ITSN1: variants seen among roughly 807,000 people sequenced by gnomAD.
The protein encoded by ITSN1 is intersectin-1.
In ITSN1, 58 loss-of-function variants were observed where a neutral mutation model predicts 239.8. The observed-to-expected ratio is 0.24, with a 90% CI of 0.20 to 0.30. ITSN1 has a LOEUF of 0.30. Among genes scored for constraint, ITSN1 ranks in the 10% least tolerant of loss-of-function variants. ITSN1 has a pLI of 1.00. For missense variants in ITSN1, 1,558 were observed against 2,103.3 expected (o/e 0.74, Z 5.07); for synonymous variants, 780 against 770.8 (o/e 1.01, Z -0.20).
intron 19 of ITSN1, among the ~76,000 whole-genome samples, chr21:33,801,768 G>A (rs915306896): frequency 6.6e-6 from 1 of 152,192 alleles, no homozygotes; most frequent in African/African-American, 2.4e-5. Flanking sequence ...GTTATTGACT[G>A]AAACATGCTG....
At chr21:33,754,473 G>A (rs991967710) in intron 7 of ITSN1, among the ~76,000 whole-genome samples, 9 of 152,184 alleles carry the variant, frequency 5.9e-5, no homozygotes, top group Admixed American at 1.3e-4. Flanking sequence ...TCCTGGAAGG[G>A]GAATGCCAGT....
At chr21:33,785,351 T>C (rs561665424) in intron 16 of ITSN1, among the ~76,000 whole-genome samples, 1 of 152,336 alleles carries the variant, frequency 6.6e-6, no homozygotes, top group African/African-American at 2.4e-5. Flanking sequence ...GGTATAAAGG[T>C]AATACAGGGA....
At chr21:33,868,457 GC>G (rs1982097584) in intron 33 of ITSN1, among the ~76,000 whole-genome samples, 1 of 152,228 alleles carries the variant, frequency 6.6e-6, no homozygotes, top group Non-Finnish European at 1.5e-5. Flanking sequence ...CCCGAGCCCT[GC>G]CCCGCGGGAA....
intron 1 of ITSN1, among the ~76,000 whole-genome samples, chr21:33,680,191 G>A (rs1369513226): frequency 3.3e-5 from 5 of 151,904 alleles, no homozygotes; most frequent in Admixed American, 2.0e-4. Flanking sequence ...AAGCAGTGGG[G>A]GTTTTATTCC....
In ITSN1 at chr21:33,868,691, C is replaced by T. The variant is rs939334743; in HGVS notation, c.4173+1360C>T. 3.9e-5 allele frequency among the ~76,000 whole-genome samples: 6 copies of T among 152,352 alleles called. No individual in the cohort carries two copies. The East Asian group carries it at 5.8e-4, about 15-fold the overall frequency. On this transcript the variant is annotated intron_variant, in intron 33 of 39. Transcript: ENST00000381318. The stretch of plus-strand genomic sequence containing the variant: ...CGCACGCAGCCCCGGTTCCTGCTCG[C>T]GCCTCTCCCTCCACACCTCCCTGCA...
intron 8 of ITSN1, among the ~76,000 whole-genome samples, chr21:33,760,413 T>C (rs773704019): frequency 2.1e-4 from 32 of 152,342 alleles, no homozygotes; most frequent in Non-Finnish European, 4.1e-4. Flanking sequence ...TGTGTACATG[T>C]GCACATGTAT....
chr21:33,820,045 A>G (rs2073569145), intron 24 of ITSN1, among the ~76,000 whole-genome samples: 1 of 152,216 alleles, frequency 6.6e-6, no homozygotes, highest in African/African-American at 2.4e-5. Context: ...GAGTTCTCAT[A>G]GTAACATGAA....
At chr21:33,737,332 A>AG (rs1246682667) in intron 5 of ITSN1, among the ~76,000 whole-genome samples, 1 of 152,144 alleles carries the variant, frequency 6.6e-6, no homozygotes, top group Non-Finnish European at 1.5e-5. Context: ...TCTTCCCCCC[A>AG]GACTTCTCCC....
At chr21:33,851,047 G>T (rs369231168) in intron 29 of ITSN1, among the ~76,000 whole-genome samples, 42 of 152,324 alleles carry the variant, frequency 2.8e-4, no homozygotes, top group African/African-American at 9.1e-4. Flanking sequence ...TTCCCTTAAA[G>T]ATGAAAGCCA....
intron 1 of ITSN1, among the ~76,000 whole-genome samples, chr21:33,672,244 A>C (rs1283381219): frequency 6.6e-6 from 1 of 152,088 alleles, no homozygotes; most frequent in East Asian, 1.9e-4. Flanking sequence ...TGATGTCTTG[A>C]TGCTACTTAA....
chr21:33,755,383 G>C lies in ITSN1; in HGVS notation c.710G>C (p.Ser237Thr), dbSNP rs775212836. Residue 237 changes from serine to threonine, a missense_variant, in exon 8 of 40, where the codon AGT (serine) becomes ACT (threonine). By Grantham distance (58) the Ser-to-Thr change is moderately conservative. Coordinates refer to ENST00000381318, the MANE Select transcript of ITSN1 (RefSeq NM_003024.3). Reference sequence around the variant, plus strand: ...TTCAATAGTCATGACAAAACTATGAGTGGACACTTAACAGGTATTTACAAA... The same window carrying C: ...TTCAATAGTCATGACAAAACTATGACTGGACACTTAACAGGTATTTACAAA... ...QLFNSHDKTM[S>T]GHLTGPQART... The C allele has an allele frequency of 1.3e-6, 2 of 1,570,184 alleles. No homozygotes were observed. Among genetic ancestry groups the C allele is most frequent in the Non-Finnish European group, 1.7e-6 (2 of 1,143,718 alleles).
At chr21:33,817,637 T>A in intron 22 of ITSN1, 1 of 1,236,010 alleles carries the variant, frequency 8.1e-7, no homozygotes. Flanking sequence ...AATAAAGTGC[T>A]TTTCCCTAAA....
At chr21:33,773,361 A>G (rs142272705) in intron 12 of ITSN1, among the ~76,000 whole-genome samples, 2 of 152,236 alleles carry the variant, frequency 1.3e-5, no homozygotes, top group African/African-American at 4.8e-5. Flanking sequence ...CATCCTCCCT[A>G]TATTCTATGG....
At chr21:33,716,290 G>A (rs2065135345) in intron 1 of ITSN1, 1 of 152,222 alleles carries the variant, frequency 6.6e-6, no homozygotes, top group South Asian at 2.1e-4. Context: ...CCCGTCTGCT[G>A]GGGAAATGGG....
At chr21:33,885,820 GTATT>G (rs1158674717) in intron 38 of ITSN1, among the ~76,000 whole-genome samples, 2 of 152,118 alleles carry the variant, frequency 1.3e-5, no homozygotes, top group Non-Finnish European at 1.5e-5. Context: ...ACTCAATTAA[GTATT>G]TGTTTTTAGT....
chr21:33,644,481 C>T (rs766763163), intron 1 of ITSN1, among the ~76,000 whole-genome samples: 2 of 151,906 alleles, frequency 1.3e-5, no homozygotes, highest in Non-Finnish European at 2.9e-5. Flanking sequence ...ATTGCTACGG[C>T]GCATGGTACC....
intron 30 of ITSN1, among the ~76,000 whole-genome samples, chr21:33,857,972 G>A (rs1235333909): frequency 4.6e-5 from 7 of 152,172 alleles, no homozygotes; most frequent in African/African-American, 9.7e-5. Context: ...CTTCAGAAGC[G>A]CCTCCTGTGG....
At chr21:33,658,864 T>G (rs1157943439) in intron 1 of ITSN1, among the ~76,000 whole-genome samples, 2 of 152,226 alleles carry the variant, frequency 1.3e-5, no homozygotes, top group African/African-American at 4.8e-5. Context: ...AGCACATAGC[T>G]TCCAAAATCT....
At chr21:33,748,929 C>T (rs967176375) in intron 5 of ITSN1, among the ~76,000 whole-genome samples, 2 of 151,188 alleles carry the variant, frequency 1.3e-5, no homozygotes, top group Admixed American at 1.3e-4. Flanking sequence ...TTATTTACTC[C>T]ACATGAAAGA....
Sources: allele counts gnomAD v4.1 joint callset (sites outside exome capture counted in the v4.1 genomes callset), GRCh38; gene constraint gnomAD v4.1.1; transcripts MANE v1.5; gene names NCBI Gene and HGNC (gene_info 2026-07-23, HGNC 2026-07-21).